Variants in MBOAT4 observed in about 807,000 individuals in gnomAD.
The protein encoded by MBOAT4 is membrane-bound ghrelin O-acyltransferase MBOAT4.
A neutral mutation model predicts 13.2 loss-of-function variants in MBOAT4; 11 were observed. The observed-to-expected ratio is 0.84, with a 90% confidence interval of 0.53 to 1.38. MBOAT4 has a LOEUF of 1.38. Among genes scored for constraint, MBOAT4 ranks in the 40% most tolerant of loss-of-function variants. The pLI is 0.00. For missense variants in MBOAT4, 481 were observed against 527.2 expected (o/e 0.91, Z 0.86); for synonymous variants, 202 against 210.3 (o/e 0.96, Z 0.34).
At chr8:30,144,137 G>C (rs1803308747) in intron 1 of MBOAT4, among the ~76,000 whole-genome samples, 1 of 99,212 alleles carries the variant, frequency 1.0e-5, no homozygotes, top group Admixed American at 1.4e-4. Context: ...TAGTATTTCT[G>C]AATTTTTTTT....
intron 1 of MBOAT4, among the ~76,000 whole-genome samples, chr8:30,143,430 C>T (rs564627760): frequency 3.3e-5 from 5 of 150,782 alleles, no homozygotes; most frequent in African/African-American, 4.9e-5. Flanking sequence ...AATGTATTTG[C>T]GACTTTTCAA....
chr8:30,144,625 G>C lies in MBOAT4; in HGVS notation c.-24C>G. On this transcript the variant is annotated 5_prime_UTR_variant, in exon 1 of 3. Transcript: ENST00000320542. ...ATTAGGAACCAGAACAAAAGAGCCT[G>C]TCTTTTCCAGTGTCCTTAACTGATG... 2 of 1,436,544 alleles carry C rather than the reference G, an allele frequency of 1.4e-6. No homozygotes were observed. The highest frequency in any genetic ancestry group is 1.9e-6 in the Non-Finnish European group (2 of 1,047,616). The allele number at this position is 1,436,544 out of a possible 1,614,324, so 89.0% of individuals were successfully genotyped here.
Position 30,132,619 on chromosome 8 carries a change from T to C in MBOAT4, c.632A>G (p.Gln211Arg), listed in dbSNP as rs142899151. ...SFWALSWRGLQILGLECLNVA... is the reference protein window; with the variant it reads ...SFWALSWRGLRILGLECLNVA... ...GTTTAGGCATTCTAGTCCAAGAATCTGCAGACCCCTCCAGCTCAGAGCCCA... is the reference window on the plus strand; with the variant it reads ...GTTTAGGCATTCTAGTCCAAGAATCCGCAGACCCCTCCAGCTCAGAGCCCA... The change falls in exon 3 of 3, where the codon CAG (glutamine) becomes CGG (arginine). Residue 211 changes from glutamine to arginine, a missense_variant. Gln to Arg is a conservative substitution (Grantham distance 43). Coordinates refer to ENST00000320542, the MANE Select transcript of MBOAT4 (RefSeq NM_001100916.2). 1.5e-5 allele frequency: 23 copies of C among 1,551,660 alleles called. No homozygotes were observed. The African/African-American group carries it at 2.6e-4, about 18-fold the overall frequency.
intron 2 of MBOAT4, among the ~76,000 whole-genome samples, chr8:30,134,754 G>C (rs1472078807): frequency 6.6e-6 from 1 of 152,158 alleles, no homozygotes; most frequent in African/African-American, 2.4e-5. Context: ...CGCCATGTCT[G>C]CCAGGCTGGT....
chr8:30,132,237 A>C lies in MBOAT4; in HGVS notation c.1014T>G (p.His338Gln). ...CAAACACCTGTCCTGGATGGAGTCC[A>C]TGCCACCAGGCAGAGAAGGCAAATG... Reference protein sequence around the residue: ...LQTFAFSAWWHGLHPGQVFGF... With the variant: ...LQTFAFSAWWQGLHPGQVFGF... The change falls in exon 3 of 3, where the codon CAT becomes CAG. Residue 338 changes from histidine (H) to glutamine (Q), a missense_variant. His to Gln is a conservative substitution (Grantham distance 24, BLOSUM62 0). Transcript: ENST00000320542. 1 of 1,551,840 alleles carries C rather than the reference A, an allele frequency of 6.4e-7. No individual in the cohort carries two copies. The highest frequency in any genetic ancestry group is 1.2e-5 in the South Asian group (1 of 84,066).
chr8:30,139,557 C>T lies in MBOAT4; in HGVS notation c.120-801G>A, dbSNP rs76763019. On this transcript the variant is annotated intron_variant, in intron 1 of 2. Coordinates refer to ENST00000320542, the MANE Select transcript of MBOAT4 (RefSeq NM_001100916.2). ...AGAAAGGAGACTCAACACTTCCCTTCGAAAAGTGAAAACTCAGAAAAATCT... is the reference window on the plus strand; with the variant it reads ...AGAAAGGAGACTCAACACTTCCCTTTGAAAAGTGAAAACTCAGAAAAATCT... Among the ~76,000 whole-genome samples the T allele has an allele frequency of 8.4e-3, 1,274 of 152,244 alleles. 17 individuals carry two copies. Among genetic ancestry groups the T allele is most frequent in the African/African-American group, 0.029 (1,214 of 41,540 alleles).
At position 30,132,457 on chromosome 8, in the gene MBOAT4, A is replaced by G; in HGVS notation, c.794T>C (p.Leu265Pro). The G allele has an allele frequency of 6.4e-7, 1 of 1,551,692 alleles. No homozygotes were observed. Among genetic ancestry groups the G allele is most frequent in the Non-Finnish European group, 8.7e-7 (1 of 1,147,004 alleles). Residue 265 changes from leucine to proline, a missense_variant, in exon 3 of 3, where the codon CTC becomes CCC. Leu to Pro is a moderately conservative substitution (Grantham distance 98). Coordinates refer to ENST00000320542, the MANE Select transcript of MBOAT4 (RefSeq NM_001100916.2). ...AGGCCCAAAGCCCGCTGCGTGGAGG[A>G]GGGAGTCGTCCAGGATCCAGTGGGA... ...YYSHWILDDS[L>P]LHAAGFGPEL...
Position 30,132,325 on chromosome 8 carries a change from C to A in MBOAT4, c.926G>T (p.Ser309Ile). 6.4e-7 allele frequency: 1 copy of A among 1,551,786 alleles called. No homozygotes were observed. Among genetic ancestry groups the A allele is most frequent in the Non-Finnish European group, 8.7e-7 (1 of 1,147,026 alleles). ...AAGCCGTCGGAGCCATCGAGCTGTG[C>A]TTTGGTTCCACTTTCTTGAGAACAC... is the stretch of plus-strand genomic sequence containing the variant. ...ISVFSRKWNQ[S>I]TARWLRRLVF... Residue 309 changes from serine to isoleucine, a missense_variant, in exon 3 of 3, where the codon AGC becomes ATC. Coordinates refer to ENST00000320542, the MANE Select transcript of MBOAT4 (RefSeq NM_001100916.2).
In MBOAT4 at chr8:30,132,527, A is replaced by T; in HGVS notation, c.724T>A (p.Tyr242Asn). 6.4e-7 allele frequency: 1 copy of T among 1,551,762 alleles called. No individual in the cohort carries two copies. The highest frequency in any genetic ancestry group is 2.4e-5 in the East Asian group (1 of 40,924). Residue 242 changes from tyrosine (Y) to asparagine (N), a missense_variant, in exon 3 of 3, where the codon TAT becomes AAT. Tyr to Asn is a moderately radical substitution (Grantham distance 143). Coordinates refer to ENST00000320542, the MANE Select transcript of MBOAT4 (RefSeq NM_001100916.2). ...LTDCQQFECI[Y>N]VVWTTAGLFK... Reference sequence around the variant, plus strand: ...AGCCCAGCTGTGGTCCACACGACATAGATGCACTCGAATTGCTGGCAATCA... The same window carrying T: ...AGCCCAGCTGTGGTCCACACGACATTGATGCACTCGAATTGCTGGCAATCA...
chr8:30,136,666 A>G (rs946251764), intron 2 of MBOAT4, among the ~76,000 whole-genome samples: 1 of 151,164 alleles, frequency 6.6e-6, no homozygotes, highest in Non-Finnish European at 1.5e-5. Context: ...CCCACCTGCC[A>G]TCTTGCCTTT....
chr8:30,138,555 A>G lies in MBOAT4; in HGVS notation c.321T>C (p.Tyr107=), dbSNP rs1449537808. ...CHLGLHYTEY[Y]LHEPPSVRFC... ...ACCTCACAGAAGGAGGCTCATGCAG[A>G]TAATACTCAGTGTAGTGCAGACCTA... Residue 107 remains tyrosine (Y), a synonymous_variant, in exon 2 of 3, where the codon TAT becomes TAC. Transcript: ENST00000320542. 1.3e-6 allele frequency: 2 copies of G among 1,551,154 alleles called. No individual in the cohort carries two copies. Among genetic ancestry groups the G allele is most frequent in the Non-Finnish European group, 1.7e-6 (2 of 1,146,754 alleles).
intron 1 of MBOAT4, among the ~76,000 whole-genome samples, chr8:30,144,273 C>T (rs142013374): frequency 4.6e-5 from 7 of 152,150 alleles, no homozygotes; most frequent in African/African-American, 1.7e-4. Flanking sequence ...GCTGGAACTA[C>T]AGGCATGAGC....
intron 2 of MBOAT4, among the ~76,000 whole-genome samples, chr8:30,134,696 C>G (rs188048497): frequency 1.3e-5 from 2 of 151,926 alleles, no homozygotes; most frequent in Non-Finnish European, 2.9e-5. Flanking sequence ...TACAGGTGCA[C>G]GCCACCACGC....
At chr8:30,135,254 A>C (rs909299941) in intron 2 of MBOAT4, among the ~76,000 whole-genome samples, 2 of 152,198 alleles carry the variant, frequency 1.3e-5, no homozygotes, top group Non-Finnish European at 2.9e-5. Context: ...AGGCAGGATC[A>C]TGTAAATGGG....
In MBOAT4 at chr8:30,144,657, T is replaced by A; in HGVS notation, c.-56A>T. On this transcript the variant is annotated 5_prime_UTR_variant, in exon 1 of 3. Coordinates refer to ENST00000320542, the MANE Select transcript of MBOAT4 (RefSeq NM_001100916.2). The stretch of plus-strand genomic sequence containing the variant: ...CCAGTGTCCTTAACTGATGCCTTCC[T>A]CCAAGAGTAATCTCAACCAGGCTGT... 1 of 1,179,560 alleles carries A rather than the reference T, an allele frequency of 8.5e-7. No individual in the cohort carries two copies. Among genetic ancestry groups the A allele is most frequent in the East Asian group, 2.6e-5 (1 of 38,656 alleles). 73.1% of individuals were successfully genotyped at this position (1,179,560 alleles called of 1,614,324 possible).
chr8:30,138,665 C>G lies in MBOAT4; in HGVS notation c.211G>C (p.Val71Leu). Residue 71 changes from valine (V) to leucine (L), a missense_variant, in exon 2 of 3, where the codon GTG (valine) becomes CTG (leucine). Val to Leu is a conservative substitution (Grantham distance 32). Transcript: ENST00000320542. ...GGAGCCAGGGAACAGAGGAGAGCCA[C>G]AGCGCAGACAGCAGGGGTGAAGACG... is the stretch of plus-strand genomic sequence containing the variant. ...VLVFTPAVCA[V>L]ALLCSLAPQQ... 6.4e-7 allele frequency: 1 copy of G among 1,551,284 alleles called. No individual in the cohort carries two copies. The highest frequency in any genetic ancestry group is 8.7e-7 in the Non-Finnish European group (1 of 1,146,882).
rs1227833384 is a variant in MBOAT4, at chr8:30,132,916, A to T, written c.345-10T>A. The T allele has an allele frequency of 6.7e-7, 1 of 1,496,098 alleles. No homozygotes were observed. The highest frequency in any genetic ancestry group is 8.9e-7 in the Non-Finnish European group (1 of 1,123,332). The allele number at this position is 1,496,098 out of a possible 1,614,324, so 92.7% of individuals were successfully genotyped here. On this transcript the variant is annotated splice_polypyrimidine_tract_variant and intron_variant, in intron 2 of 2. Coordinates refer to ENST00000320542, the MANE Select transcript of MBOAT4 (RefSeq NM_001100916.2). ...AAGAGTGATGCAGAACCTGCAAGATAATTTTTTAAAGAACATAAAAACACT... is the reference window on the plus strand; with the variant it reads ...AAGAGTGATGCAGAACCTGCAAGATTATTTTTTAAAGAACATAAAAACACT...
Position 30,132,330 on chromosome 8 carries a change from G to T in MBOAT4, c.921C>A (p.Asn307Lys), listed in dbSNP as rs150014128. 1 of 1,551,774 alleles carries T rather than the reference G, an allele frequency of 6.4e-7. No individual in the cohort carries two copies. Among genetic ancestry groups the T allele is most frequent in the Non-Finnish European group, 8.7e-7 (1 of 1,147,014 alleles). The change falls in exon 3 of 3, where the codon AAC becomes AAA. Residue 307 changes from asparagine (N) to lysine (K), a missense_variant. Asn to Lys is a moderately conservative substitution (Grantham distance 94, BLOSUM62 0). Transcript: ENST00000320542. ...HRISVFSRKW[N>K]QSTARWLRRL... The stretch of plus-strand genomic sequence containing the variant: ...GTCGGAGCCATCGAGCTGTGCTTTG[G>T]TTCCACTTTCTTGAGAACACAGATA...
At chr8:30,139,279 G>T (rs368623763) in intron 1 of MBOAT4, among the ~76,000 whole-genome samples, 1 of 62,492 alleles carries the variant, frequency 1.6e-5, no homozygotes, top group Non-Finnish European at 3.6e-5. Flanking sequence ...TCCTGCCTTA[G>T]TGGCCCTGGA....
Sources: gnomAD v4.1 joint callset for allele counts (sites outside exome capture counted in the v4.1 genomes callset) on GRCh38, gnomAD v4.1.1 for gene constraint, MANE v1.5 for transcripts, NCBI Gene and HGNC (gene_info 2026-07-23, HGNC 2026-07-21) for gene names.